The following HDX variants were observed in gnomAD, a reference collection of about 807,000 sequenced individuals.
HDX encodes chromosome X open reading frame 43.
In HDX, 19 loss-of-function variants were observed where a neutral mutation model predicts 45.2. That is an observed-to-expected ratio of 0.42 (90% CI 0.29 to 0.62). The LOEUF (loss-of-function observed/expected upper bound fraction) is 0.62, where lower values mean the gene tolerates loss of function less well. Ranked by LOEUF, HDX falls within the 20% of genes least tolerant of loss-of-function variation. The pLI is 0.20. For synonymous variants in HDX, 188 were observed against 172.8 expected (o/e 1.09, Z -0.69); for missense variants, 532 against 493.9 (o/e 1.08, Z -0.73).
chrX:84,381,240 G>A (rs1001391264), intron 5 of HDX, among the ~76,000 whole-genome samples: 3 of 110,620 alleles, frequency 2.7e-5, no homozygotes, highest in South Asian at 7.6e-4. Context: ...GTTCATCGAC[G>A]GAAATAATCA....
intron 5 of HDX, among the ~76,000 whole-genome samples, chrX:84,411,547 A>G (rs1258427193): frequency 1.8e-5 from 2 of 111,363 alleles, no homozygotes; most frequent in Non-Finnish European, 3.8e-5. Flanking sequence ...TGTGATTTTG[A>G]TAATTTTGAA....
chrX:84,470,436 T>G (rs2040434463), intron 3 of HDX, among the ~76,000 whole-genome samples: 1 of 111,684 alleles, frequency 9.0e-6, no homozygotes. Context: ...CTTTACCTAT[T>G]TTTATATTGA....
chrX:84,412,181 G>A (rs950170990), intron 5 of HDX, among the ~76,000 whole-genome samples: 12 of 111,417 alleles, frequency 1.1e-4, no homozygotes, highest in African/African-American at 3.9e-4. Flanking sequence ...ATAGATATGT[G>A]CAGATTAGAT....
chrX:84,396,376 C>T (rs776214516), intron 5 of HDX, among the ~76,000 whole-genome samples: 6 of 112,136 alleles, frequency 5.4e-5, no homozygotes, highest in African/African-American at 1.9e-4. Flanking sequence ...GCAGTTATTA[C>T]TGGAGGCTGT....
chrX:84,415,855 T>C (rs2039090697), intron 5 of HDX, among the ~76,000 whole-genome samples: 1 of 111,999 alleles, frequency 8.9e-6, no homozygotes, highest in Non-Finnish European at 1.9e-5. Flanking sequence ...ATGTAACTTT[T>C]ATATGAATAG....
At chrX:84,440,668 C>CTA (rs2039741551) in intron 4 of HDX, 83 bp from the exon 5 acceptor site, 1 of 573,266 alleles carries the variant, frequency 1.7e-6, no homozygotes. Context: ...ATTTCACACA[C>CTA]TATTTCAAGA....
At chrX:84,370,385 C>T (rs2147872745) in intron 5 of HDX, among the ~76,000 whole-genome samples, 1 of 111,950 alleles carries the variant, frequency 8.9e-6, no homozygotes, top group African/African-American at 3.2e-5. Context: ...TCTTTATCTC[C>T]ATCCAATCTA....
intron 5 of HDX, among the ~76,000 whole-genome samples, chrX:84,362,461 C>T (rs990030168): frequency 5.5e-5 from 6 of 109,875 alleles, no homozygotes; most frequent in Admixed American, 4.9e-4. Context: ...TCCAGTGATG[C>T]CTCAAATTAT....
intron 1 of HDX, chrX:84,500,233 C>T (rs966506389): frequency 3.6e-5 from 4 of 110,161 alleles, no homozygotes; most frequent in Non-Finnish European, 7.6e-5. Context: ...GCCTGACCAA[C>T]GATGAATAAG....
chrX:84,435,841 T>C (rs2039615700), intron 5 of HDX, among the ~76,000 whole-genome samples: 1 of 96,810 alleles, frequency 1.0e-5, no homozygotes, highest in African/African-American at 3.8e-5. Context: ...GACTGTAAAC[T>C]AGTTCAACCA....
In HDX at chrX:84,475,234, A is replaced by G. The variant is rs755089865; in HGVS notation, c.147+17T>C. The G allele has an allele frequency of 1.5e-5, 18 of 1,174,235 alleles. No individual in the cohort carries two copies. The Admixed American group carries it at 4.2e-4, about 28-fold the overall frequency. ...AATAAGAAGCTTTAAATTTGAGTGT[A>G]AGACCTCAATACTTACCCTGACTAC... On this transcript the variant is annotated intron_variant, in intron 3 of 10. Transcript: ENST00000373177.
chrX:84,362,864 T>C (rs2037655194), intron 5 of HDX, among the ~76,000 whole-genome samples: 1 of 111,857 alleles, frequency 8.9e-6, no homozygotes, highest in South Asian at 3.7e-4. Flanking sequence ...TAGCTAAAAC[T>C]GATGTAATAC....
chrX:84,385,589 C>T (rs2038299636), intron 5 of HDX, among the ~76,000 whole-genome samples: 1 of 110,212 alleles, frequency 9.1e-6, no homozygotes, highest in Non-Finnish European at 1.9e-5. Context: ...GAGCTGCATT[C>T]CTAGGTATTT....
chrX:84,418,700 G>A (rs973044293), intron 5 of HDX, among the ~76,000 whole-genome samples: 2 of 111,418 alleles, frequency 1.8e-5, no homozygotes, highest in Non-Finnish European at 3.8e-5. Context: ...CATAAAGACT[G>A]CAACTCTTAG....
chrX:84,419,662 G>A (rs979281424), intron 5 of HDX, among the ~76,000 whole-genome samples: 1 of 112,073 alleles, frequency 8.9e-6, no homozygotes, highest in Non-Finnish European at 1.9e-5. Flanking sequence ...GGGGCCTTTA[G>A]AAAACATGGG....
intron 5 of HDX, among the ~76,000 whole-genome samples, chrX:84,433,741 A>G (rs968772623): frequency 4.5e-5 from 5 of 111,173 alleles, no homozygotes; most frequent in Admixed American, 9.6e-5. Flanking sequence ...TGGTACTTTG[A>G]TAAATATTTT....
chrX:84,470,979 A>C (rs1008715679), intron 3 of HDX, among the ~76,000 whole-genome samples: 16 of 111,664 alleles, frequency 1.4e-4, no homozygotes, highest in Non-Finnish European at 2.8e-4. Context: ...ATATAGTGGG[A>C]CTCAGTCTCC....
At chrX:84,392,540 A>T (rs766864935) in intron 5 of HDX, among the ~76,000 whole-genome samples, 2 of 111,188 alleles carry the variant, frequency 1.8e-5, no homozygotes, top group South Asian at 7.5e-4. Flanking sequence ...AATGATTTCA[A>T]TATGTGTGCA....
At chrX:84,490,752 A>G (rs1427880563) in intron 1 of HDX, among the ~76,000 whole-genome samples, 3 of 110,828 alleles carry the variant, frequency 2.7e-5, no homozygotes, top group Non-Finnish European at 5.7e-5. Flanking sequence ...TTTAGGGTAC[A>G]TGTGCACAAC....
Sources: gnomAD v4.1 joint callset for allele counts (sites outside exome capture counted in the v4.1 genomes callset) on GRCh38, gnomAD v4.1.1 for gene constraint, MANE v1.5 for transcripts, NCBI Gene and HGNC (gene_info 2026-07-23, HGNC 2026-07-21) for gene names.